The following SSU72 variants were observed in gnomAD, a reference collection of about 807,000 sequenced individuals.
SSU72 encodes RNA polymerase II subunit A C-terminal domain phosphatase SSU72.
Under a neutral mutation model 22.7 loss-of-function variants are expected in SSU72, and 12 were observed. The ratio of observed to expected loss-of-function variants is 0.53; its 90% CI spans 0.34 to 0.86. SSU72 has a LOEUF of 0.86. Ranked by LOEUF, SSU72 falls within the 40% of genes least tolerant of loss-of-function variation. SSU72 has a pLI of 0.02. For synonymous variants in SSU72, 116 were observed against 98.3 expected, an observed-to-expected ratio of 1.18 and a Z score of -1.06; for missense variants, 151 against 249.8, an observed-to-expected ratio of 0.60 and a Z score of 2.67.
chr1:1,573,605 G>A (rs1416830198), intron 1 of SSU72, among the ~76,000 whole-genome samples: 1 of 152,034 alleles, frequency 6.6e-6, no homozygotes, highest in African/African-American at 2.4e-5. Flanking sequence ...GTGAGCCACC[G>A]TGCCTGGCCC....
intron 1 of SSU72, among the ~76,000 whole-genome samples, chr1:1,573,843 T>C (rs1570404103): frequency 6.6e-6 from 1 of 152,188 alleles, no homozygotes; most frequent in South Asian, 2.1e-4. Context: ...GTTTGCTATG[T>C]GACTGAACAA....
At position 1,554,893 on chromosome 1, in the gene SSU72, T is replaced by G. The variant is rs930285176; in HGVS notation, c.224+9880A>C. ...AGCTCCTGGCCCTCAGCCTCTCCTT[T>G]GCAAACCGTGGCTGGCAGCAGAGAC... On this transcript the variant is annotated intron_variant, in intron 2 of 4. Coordinates refer to ENST00000291386, the MANE Select transcript of SSU72 (RefSeq NM_014188.3). The surrounding 1 kb of genome is among the most constrained non-coding windows in gnomAD (Gnocchi z 4.1). Among the ~76,000 whole-genome samples, 2 of 152,098 alleles carry G rather than the reference T, an allele frequency of 1.3e-5. No individual in the cohort carries two copies. The highest frequency in any genetic ancestry group is 4.8e-5 in the African/African-American group (2 of 41,432).
rs962638861 is a variant in SSU72 at position 1,542,334 on chromosome 1, G to C, written c.484-167C>G. ...TCACAAGGACGGCCGGAGGCTGCAG[G>C]GGGAGAGCGTCCCGGGCAGCCCCCA... On this transcript the variant is annotated intron_variant, in intron 4 of 4. Coordinates refer to ENST00000291386, the MANE Select transcript of SSU72 (RefSeq NM_014188.3). The surrounding 1 kb of genome is among the most constrained non-coding windows in gnomAD (Gnocchi z 4.4). Among the ~76,000 whole-genome samples, 1 of 152,284 alleles carries C rather than the reference G, an allele frequency of 6.6e-6. No homozygotes were observed. The highest frequency in any genetic ancestry group is 2.1e-4 in the South Asian group (1 of 4,816).
chr1:1,552,956 G>A (rs1044846230), intron 2 of SSU72, among the ~76,000 whole-genome samples: 1 of 150,286 alleles, frequency 6.7e-6, no homozygotes, highest in Admixed American at 6.6e-5. Context: ...ACGAGGCGGA[G>A]GTTGCAGTGA....
intron 1 of SSU72, among the ~76,000 whole-genome samples, chr1:1,567,171 AAGATG>A (rs1157252274): frequency 6.6e-6 from 1 of 152,234 alleles, no homozygotes; most frequent in African/African-American, 2.4e-5. Context: ...CGCACCTCCG[AAGATG>A]AGTAGAGGAA....
rs182129145 is a variant in SSU72 at position 1,553,865 on chromosome 1, G to A, written c.225-8863C>T. On this transcript the variant is annotated intron_variant, in intron 2 of 4. Coordinates refer to ENST00000291386, the MANE Select transcript of SSU72 (RefSeq NM_014188.3). Reference sequence around the variant, plus strand: ...GCCGCATCTGAAGGATGTCACCAGTGTGACATTCTCTTGACAATGCAGCTG... The same window carrying A: ...GCCGCATCTGAAGGATGTCACCAGTATGACATTCTCTTGACAATGCAGCTG... Among the ~76,000 whole-genome samples the A allele has an allele frequency of 4.6e-5, 7 of 151,830 alleles. 1 individual carries two copies. The East Asian group carries it at 1.4e-3, about 29-fold the overall frequency.
At chr1:1,549,667 T>C (rs1642433335) in intron 2 of SSU72, among the ~76,000 whole-genome samples, 1 of 151,300 alleles carries the variant, frequency 6.6e-6, no homozygotes. Flanking sequence ...GGCAAAACCC[T>C]GACTCTACTA....
intron 2 of SSU72, among the ~76,000 whole-genome samples, chr1:1,557,666 G>A (rs979338414): frequency 2.8e-5 from 4 of 141,204 alleles, no homozygotes; most frequent in African/African-American, 1.1e-4. Context: ...GTGGTGGTAC[G>A]CCGCACCTGT....
At chr1:1,561,674 G>C (rs924979518) in intron 2 of SSU72, 3 of 152,228 alleles carry the variant, frequency 2.0e-5, no homozygotes, top group Admixed American at 2.0e-4. Flanking sequence ...GAACTGCCTG[G>C]GGACTTCACT....
intron 1 of SSU72, among the ~76,000 whole-genome samples, chr1:1,569,203 A>C (rs1412756551): frequency 6.6e-6 from 1 of 152,126 alleles, no homozygotes; most frequent in Non-Finnish European, 1.5e-5. Flanking sequence ...AAAAACAAAA[A>C]AACAAAAACA....
rs577853175 is a variant in SSU72 at position 1,542,996 on chromosome 1, C to T, written c.484-829G>A. ...CCGGGCTTTCCAAACACACCATCTT[C>T]TTTCTTGGTGAAGCTGTTCTGTTTT... On this transcript the variant is annotated intron_variant, in intron 4 of 4. Coordinates refer to ENST00000291386, the MANE Select transcript of SSU72 (RefSeq NM_014188.3). The surrounding 1 kb of genome is among the most constrained non-coding windows in gnomAD (Gnocchi z 4.4). Among the ~76,000 whole-genome samples, 7 of 152,370 alleles carry T rather than the reference C, an allele frequency of 4.6e-5. No individual in the cohort carries two copies. The highest frequency in any genetic ancestry group is 1.3e-4 in the Admixed American group (2 of 15,304).
At chr1:1,573,430 A>C (rs1400674596) in intron 1 of SSU72, among the ~76,000 whole-genome samples, 1 of 32,434 alleles carries the variant, frequency 3.1e-5, no homozygotes, top group South Asian at 2.5e-3. Context: ...ACTCTGTCTC[A>C]AAAAAAAAAA....
chr1:1,552,709 T>C (rs557865883), intron 2 of SSU72, among the ~76,000 whole-genome samples: 2 of 152,322 alleles, frequency 1.3e-5, no homozygotes, highest in African/African-American at 2.4e-5. Context: ...TGAGGCTTAG[T>C]AGACTCTCAG....
At chr1:1,560,197 CTT>C (rs1210670886) in intron 2 of SSU72, among the ~76,000 whole-genome samples, 1 of 151,926 alleles carries the variant, frequency 6.6e-6, no homozygotes, top group African/African-American at 2.4e-5. Flanking sequence ...GTGGATGAAA[CTT>C]TTTTAACAAG....
intron 2 of SSU72, chr1:1,562,444 C>A (rs2296716): frequency 6.6e-6 from 1 of 152,082 alleles, no homozygotes; most frequent in African/African-American, 2.4e-5. Flanking sequence ...CTCTTGAGCA[C>A]GCAGCCCTAA....
intron 4 of SSU72, 35 bp downstream of exon 4, chr1:1,543,834 C>A: frequency 6.4e-7 from 1 of 1,557,462 alleles, no homozygotes. Context: ...TCTGTCACAA[C>A]CTCTGCCCAG....
At chr1:1,562,257 C>CT (rs1254190115) in intron 2 of SSU72, 5 of 109,678 alleles carry the variant, frequency 4.6e-5, no homozygotes, top group African/African-American at 3.0e-4. Context: ...GCGTCACTCT[C>CT]TGCTTTTCTT....
chr1:1,544,200 C>T (rs954701627), intron 3 of SSU72, among the ~76,000 whole-genome samples: 2 of 152,232 alleles, frequency 1.3e-5, no homozygotes, highest in African/African-American at 2.4e-5. Context: ...TCAGCACAAG[C>T]TGGTCTGGGA....
intron 2 of SSU72, among the ~76,000 whole-genome samples, chr1:1,559,299 T>A (rs1346920493): frequency 2.6e-5 from 4 of 152,160 alleles, no homozygotes; most frequent in Non-Finnish European, 2.9e-5. Context: ...GGGAAGCTGC[T>A]ACAGGCACTG....
Sources: gnomAD v4.1 joint callset for allele counts (sites outside exome capture counted in the v4.1 genomes callset) on GRCh38, gnomAD v4.1.1 for gene constraint, Gnocchi (gnomAD v3.1) non-coding constraint, MANE v1.5 for transcripts, NCBI Gene and HGNC (gene_info 2026-07-23, HGNC 2026-07-21) for gene names.